Variants in VWA8 observed in about 807,000 individuals in gnomAD.
VWA8 encodes von Willebrand factor A domain containing 8, also known as von Willebrand factor A domain-containing protein 8.
A neutral mutation model predicts 241.5 loss-of-function variants in VWA8; 221 were observed. The ratio of observed to expected loss-of-function variants is 0.91; its 90% CI spans 0.82 to 1.02. The LOEUF (loss-of-function observed/expected upper bound fraction) is 1.02, where lower values mean the gene tolerates loss of function less well. VWA8 is among the 50% of genes least tolerant of loss of function. The pLI is 0.00. For synonymous variants in VWA8, 852 were observed against 827.1 expected, an observed-to-expected ratio of 1.03 and a Z score of -0.52; for missense variants, 2,322 against 2,328.7, an observed-to-expected ratio of 1.00 and a Z score of 0.06.
rs185232882 is a variant in VWA8, at chr13:41,754,197, G to A, written c.2426+6931C>T. On this transcript the variant is annotated intron_variant, in intron 21 of 44. Coordinates refer to ENST00000379310, the MANE Select transcript of VWA8 (RefSeq NM_015058.2). ...CTCATCTTGAACTCCCACATGTTGC[G>A]GGAGGGACCCAGTGGGAGCTAATTG... 6.5e-4 allele frequency among the ~76,000 whole-genome samples: 99 copies of A among 152,116 alleles called. 1 individual carries two copies. The highest frequency in any genetic ancestry group is 3.4e-3 in the Middle Eastern group (1 of 294).
chr13:41,647,264 C>T (rs917030533), intron 37 of VWA8, among the ~76,000 whole-genome samples: 1 of 152,048 alleles, frequency 6.6e-6, no homozygotes, highest in Non-Finnish European at 1.5e-5. Context: ...TTTTGGGAGA[C>T]ATTTTCTGGA....
intron 2 of VWA8, among the ~76,000 whole-genome samples, chr13:41,923,304 A>T (rs1210780891): frequency 6.6e-6 from 1 of 152,006 alleles, no homozygotes; most frequent in African/African-American, 2.4e-5. Flanking sequence ...GGGAGCGGGG[A>T]GGGATAGCAT....
intron 2 of VWA8, chr13:41,926,458 G>T (rs950671604): frequency 1.9e-6 from 1 of 523,922 alleles, no homozygotes; most frequent in South Asian, 1.5e-5. Context: ...ATGACAATGC[G>T]CTGGACATGA....
intron 4 of VWA8, among the ~76,000 whole-genome samples, chr13:41,895,767 T>C (rs918182919): frequency 6.6e-6 from 1 of 152,114 alleles, no homozygotes; most frequent in Non-Finnish European, 1.5e-5. Flanking sequence ...GTTTGCTAAA[T>C]TGTTTTCAAG....
At chr13:41,571,587 T>C (rs1358292858) in intron 43 of VWA8, among the ~76,000 whole-genome samples, 1 of 152,160 alleles carries the variant, frequency 6.6e-6, no homozygotes, top group African/African-American at 2.4e-5. Flanking sequence ...TGACTGCGAG[T>C]GATCTACCTG....
At chr13:41,816,010 T>A (rs1297075340) in intron 16 of VWA8, among the ~76,000 whole-genome samples, 1 of 152,038 alleles carries the variant, frequency 6.6e-6, no homozygotes, top group Non-Finnish European at 1.5e-5. Flanking sequence ...AGCTAGATTA[T>A]CAACAAAGTC....
At chr13:41,719,031 C>T (rs1376225727) in intron 26 of VWA8, among the ~76,000 whole-genome samples, 1 of 151,882 alleles carries the variant, frequency 6.6e-6, no homozygotes, top group African/African-American at 2.4e-5. Context: ...AGATTCTTAA[C>T]TAACATTAAG....
intron 37 of VWA8, among the ~76,000 whole-genome samples, chr13:41,649,181 TCAA>T (rs1199680997): frequency 1.3e-5 from 2 of 152,132 alleles, no homozygotes; most frequent in Non-Finnish European, 2.9e-5. Context: ...ACACTCTGTC[TCAA>T]CAACAATAAC....
At chr13:41,726,820 C>A (rs2045438144) in intron 24 of VWA8, among the ~76,000 whole-genome samples, 2 of 152,002 alleles carry the variant, frequency 1.3e-5, no homozygotes, top group South Asian at 2.1e-4. Flanking sequence ...CATGGTGAAA[C>A]CCCATCTCTA....
chr13:41,859,966 C>T (rs1872933880), intron 12 of VWA8, among the ~76,000 whole-genome samples: 1 of 152,188 alleles, frequency 6.6e-6, no homozygotes, highest in South Asian at 2.1e-4. Context: ...ACCTCTGGAA[C>T]TTTTTCATCA....
At position 41,777,956 on chromosome 13, in the gene VWA8, T is replaced by C. The variant is rs768443656; in HGVS notation, c.2349+29A>G. 1.3e-5 allele frequency: 21 copies of C among 1,562,074 alleles called. No homozygotes were observed. In the South Asian group the frequency reaches 1.4e-4, roughly 10 times the overall value. ...TTAAATTGTTACTATCATTTTTTCA[T>C]TGGTACCTAGATTTTAGCCATAACT... On this transcript the variant is annotated intron_variant, in intron 20 of 44. Coordinates refer to ENST00000379310, the MANE Select transcript of VWA8 (RefSeq NM_015058.2).
intron 37 of VWA8, among the ~76,000 whole-genome samples, chr13:41,658,923 A>G (rs1430721735): frequency 6.6e-6 from 1 of 152,234 alleles, no homozygotes; most frequent in Non-Finnish European, 1.5e-5. Context: ...CAAATCCTGC[A>G]GAGCTTTAAA....
At chr13:41,610,401 G>A (rs1484056254) in intron 39 of VWA8, among the ~76,000 whole-genome samples, 1 of 152,280 alleles carries the variant, frequency 6.6e-6, no homozygotes, top group South Asian at 2.1e-4. Flanking sequence ...GCACAAAGAG[G>A]ACAGATAAAC....
chr13:41,683,785 T>C (rs17637547), intron 35 of VWA8, among the ~76,000 whole-genome samples: 8,460 of 152,188 alleles, frequency 0.056, 274 homozygotes, highest in East Asian at 0.12. Flanking sequence ...GGATACAAGA[T>C]ATATTTGCAA....
chr13:41,611,533 A>G (rs1402506607), intron 39 of VWA8, 43 bp downstream of exon 39: 5 of 1,599,486 alleles, frequency 3.1e-6, no homozygotes, highest in Non-Finnish European at 4.3e-6. Context: ...ATGACATTTC[A>G]CCATAGCAGT....
chr13:41,622,071 C>T (rs1333878874), intron 37 of VWA8, among the ~76,000 whole-genome samples: 1 of 152,168 alleles, frequency 6.6e-6, no homozygotes, highest in Non-Finnish European at 1.5e-5. Flanking sequence ...CTTAGCTTAT[C>T]TAATTTTGTG....
chr13:41,672,651 G>C (rs1214201151), intron 36 of VWA8, among the ~76,000 whole-genome samples: 1 of 152,088 alleles, frequency 6.6e-6, no homozygotes, highest in South Asian at 2.1e-4. Context: ...AGAGTGACAA[G>C]GGCGGCCACT....
chr13:41,712,462 C>T (rs897396093), intron 26 of VWA8, among the ~76,000 whole-genome samples: 3 of 152,124 alleles, frequency 2.0e-5, no homozygotes, highest in African/African-American at 7.2e-5. Context: ...GAATCAATGA[C>T]AAATAACATT....
chr13:41,825,251 CAAT>C (rs1422458069), intron 14 of VWA8, among the ~76,000 whole-genome samples: 2 of 152,282 alleles, frequency 1.3e-5, no homozygotes, highest in South Asian at 2.1e-4. Context: ...TGCTAACACT[CAAT>C]AACAAATACT....
Sources: gnomAD v4.1 joint callset for allele counts (sites outside exome capture counted in the v4.1 genomes callset) on GRCh38, gnomAD v4.1.1 for gene constraint, MANE v1.5 for transcripts, NCBI Gene and HGNC (gene_info 2026-07-23, HGNC 2026-07-21) for gene names.